THRB: variants seen among roughly 807,000 people sequenced by gnomAD.
The protein encoded by THRB is thyroid hormone receptor beta.
A neutral mutation model predicts 47.8 loss-of-function variants in THRB; 12 were observed. That is an observed-to-expected ratio of 0.25 (90% CI 0.16 to 0.41). The LOEUF (loss-of-function observed/expected upper bound fraction) is 0.41. THRB is among the 10% of genes least tolerant of loss of function. THRB has a pLI of 1.00. For synonymous variants in THRB, 218 were observed against 212.2 expected (o/e 1.03, Z -0.24); for missense variants, 348 against 589.2 (o/e 0.59, Z 4.24).
intron 3 of THRB, among the ~76,000 whole-genome samples, chr3:24,294,034 T>A (rs1025604037): frequency 6.6e-6 from 1 of 152,240 alleles, no homozygotes; most frequent in Admixed American, 6.5e-5. Flanking sequence ...TCCTTCTCAA[T>A]TGAGCTGACC....
rs9881936 is a variant in THRB at position 24,206,886 on chromosome 3, T to C, written c.23-16552A>G. Among the ~76,000 whole-genome samples, 575 of 152,180 alleles carry C rather than the reference T, an allele frequency of 3.8e-3. 1 individual carries two copies. The highest frequency in any genetic ancestry group is 0.013 in the African/African-American group (553 of 41,534). On this transcript the variant is annotated intron_variant, in intron 4 of 10. Coordinates refer to ENST00000646209, the MANE Select transcript of THRB (RefSeq NM_001354712.2). ...TATAAAAACCTCTACACAAATAAAC[T>C]AGAAAATCTAGAAGAAATGGATAAA...
At chr3:24,398,554 C>A (rs1021555395) in intron 1 of THRB, among the ~76,000 whole-genome samples, 1 of 152,188 alleles carries the variant, frequency 6.6e-6, no homozygotes, top group South Asian at 2.1e-4. Context: ...GTTAGAATGG[C>A]GATCATTAAA....
chr3:24,180,075 T>G (rs2041695008), intron 5 of THRB, among the ~76,000 whole-genome samples: 1 of 152,198 alleles, frequency 6.6e-6, no homozygotes, highest in African/African-American at 2.4e-5. Context: ...TTAACATGTA[T>G]TATTTTTCCC....
chr3:24,335,937 G>A (rs777781716), intron 2 of THRB, among the ~76,000 whole-genome samples: 1 of 152,186 alleles, frequency 6.6e-6, no homozygotes, highest in Non-Finnish European at 1.5e-5. Flanking sequence ...GGATGAAGAA[G>A]AGGCTGGGGA....
intron 5 of THRB, among the ~76,000 whole-genome samples, chr3:24,179,903 G>A (rs910636968): frequency 6.6e-6 from 1 of 152,012 alleles, no homozygotes; most frequent in Non-Finnish European, 1.5e-5. Flanking sequence ...TAGAATGATC[G>A]CTTCAAAGGA....
At chr3:24,194,787 G>A (rs2043772940) in intron 4 of THRB, among the ~76,000 whole-genome samples, 1 of 152,216 alleles carries the variant, frequency 6.6e-6, no homozygotes, top group Non-Finnish European at 1.5e-5. Flanking sequence ...GGGAGAATTA[G>A]ATTAAAATAT....
At chr3:24,350,575 G>T (rs941486668) in intron 1 of THRB, among the ~76,000 whole-genome samples, 9 of 152,122 alleles carry the variant, frequency 5.9e-5, no homozygotes, top group African/African-American at 2.2e-4. Flanking sequence ...TCTATATTAG[G>T]CCATTATATA....
chr3:24,331,958 A>G (rs2061956879), intron 2 of THRB, among the ~76,000 whole-genome samples: 1 of 152,112 alleles, frequency 6.6e-6, no homozygotes, highest in Non-Finnish European at 1.5e-5. Context: ...CCGTACTTGA[A>G]GGGCCTCCAG....
rs185810406 is a variant in THRB at position 24,288,821 on chromosome 3, C to A, written c.-43+8405G>T. 7.2e-5 allele frequency among the ~76,000 whole-genome samples: 11 copies of A among 152,256 alleles called. No individual in the cohort carries two copies. The South Asian group carries it at 2.1e-3, about 29-fold the overall frequency. On this transcript the variant is annotated intron_variant, in intron 3 of 10. Transcript: ENST00000646209. ...TAGACTGGAAAGCGTCAGTTCACTGCGTTTCTTAAGAGTTAGGATTGTTTT... is the reference window on the plus strand; with the variant it reads ...TAGACTGGAAAGCGTCAGTTCACTGAGTTTCTTAAGAGTTAGGATTGTTTT...
chr3:24,491,314 T>A (rs567620972), intron 1 of THRB, among the ~76,000 whole-genome samples: 25 of 152,322 alleles, frequency 1.6e-4, no homozygotes, highest in African/African-American at 3.6e-4. Context: ...GTCAATACTC[T>A]AGACACAAAA....
chr3:24,197,449 A>AT (rs1279911582), intron 4 of THRB, among the ~76,000 whole-genome samples: 1 of 152,160 alleles, frequency 6.6e-6, no homozygotes, highest in African/African-American at 2.4e-5. Flanking sequence ...TATCCATAAT[A>AT]TTTGTCTATG....
intron 8 of THRB, among the ~76,000 whole-genome samples, chr3:24,138,469 T>C (rs1341804888): frequency 6.6e-6 from 1 of 152,146 alleles, no homozygotes; most frequent in African/African-American, 2.4e-5. Context: ...TGCCAGGCAG[T>C]GTTAACCCAC....
intron 4 of THRB, among the ~76,000 whole-genome samples, chr3:24,216,617 A>AT (rs2046594282): frequency 6.6e-6 from 1 of 152,248 alleles, no homozygotes; most frequent in Admixed American, 6.5e-5. Flanking sequence ...CAAAAAAAAA[A>AT]ATATATGAAT....
intron 5 of THRB, among the ~76,000 whole-genome samples, chr3:24,185,286 C>A (rs1375697604): frequency 2.0e-5 from 3 of 152,090 alleles, no homozygotes; most frequent in African/African-American, 7.2e-5. Flanking sequence ...GCATTAAAAG[C>A]TGGTTAAAAT....
At chr3:24,287,233 T>G (rs2055405900) in intron 3 of THRB, among the ~76,000 whole-genome samples, 1 of 152,076 alleles carries the variant, frequency 6.6e-6, no homozygotes, top group Admixed American at 6.6e-5. Flanking sequence ...CTTTACCCAC[T>G]CTCCTTTAAG....
In THRB at chr3:24,143,511, C is replaced by T. The variant is rs121918706; in HGVS notation, c.728G>A (p.Arg243Gln). Residue 243 changes from arginine to glutamine, a missense_variant, in exon 8 of 11, where the codon CGG (arginine) becomes CAG (glutamine). By Grantham distance (43) the Arg-to-Gln change is conservative (BLOSUM62 1). Transcript: ENST00000646209. The part of the protein sequence containing the change: ...NAQGSHWKQK[R>Q]KFLPEDIGQA... ...GCAAGGAAGCCTTACCAGGAATTTC[C>T]GTTTTTGCTTCCAGTGGCTGCCTTG... 1 of 1,614,138 alleles carries T rather than the reference C, an allele frequency of 6.2e-7. No homozygotes were observed. The highest frequency in any genetic ancestry group is 8.5e-7 in the Non-Finnish European group (1 of 1,180,004).
At chr3:24,423,594 C>T (rs1012690111) in intron 1 of THRB, among the ~76,000 whole-genome samples, 1 of 151,848 alleles carries the variant, frequency 6.6e-6, no homozygotes, top group African/African-American at 2.4e-5. Flanking sequence ...TTGAGCGCCA[C>T]TGTTCATTTA....
At chr3:24,344,973 A>G (rs1431982303) in intron 1 of THRB, among the ~76,000 whole-genome samples, 1 of 152,096 alleles carries the variant, frequency 6.6e-6, no homozygotes, top group East Asian at 1.9e-4. Flanking sequence ...TGAGCAACTT[A>G]GCAGGGGAAA....
chr3:24,212,258 C>T (rs1056879778), intron 4 of THRB, among the ~76,000 whole-genome samples: 7 of 152,076 alleles, frequency 4.6e-5, no homozygotes, highest in African/African-American at 1.7e-4. Context: ...ATTAGCTAGG[C>T]TTGGTGGCAG....
Sources: gnomAD v4.1 joint callset for allele counts (sites outside exome capture counted in the v4.1 genomes callset) on GRCh38, gnomAD v4.1.1 for gene constraint, MANE v1.5 for transcripts, NCBI Gene and HGNC (gene_info 2026-07-23, HGNC 2026-07-21) for gene names.